EPHA6: variants seen among roughly 807,000 people sequenced by gnomAD.
The protein encoded by EPHA6 is ephrin type-A receptor 6.
In EPHA6, 50 loss-of-function variants were observed where a neutral mutation model predicts 112.0. That is an observed-to-expected ratio of 0.45 (90% CI 0.36 to 0.56). The LOEUF is 0.56. Ranked by LOEUF, EPHA6 falls within the 20% of genes least tolerant of loss-of-function variation. The pLI is 0.00. For synonymous variants in EPHA6, 529 were observed against 490.7 expected, an observed-to-expected ratio of 1.08 and a Z score of -1.03; for missense variants, 1,280 against 1,417.4, an observed-to-expected ratio of 0.90 and a Z score of 1.56.
At position 97,371,086 on chromosome 3, in the gene EPHA6, C is replaced by CTT. The variant is rs10707071; in HGVS notation, c.1607-34051_1607-34050dup. 8.1e-3 allele frequency among the ~76,000 whole-genome samples: 1,181 copies of CTT among 145,952 alleles called. 18 individuals carry two copies. The highest frequency in any genetic ancestry group is 0.027 in the African/African-American group (1,077 of 39,868). On this transcript the variant is annotated intron_variant, in intron 5 of 17. Transcript: ENST00000389672. ...TGTTTAATTAGTGCAAGAAGATCCACTTTTTTTTTTTTTTGAGGGATTCAT... is the reference window on the plus strand; with the variant it reads ...TGTTTAATTAGTGCAAGAAGATCCACTTTTTTTTTTTTTTTTGAGGGATTCAT...
intron 14 of EPHA6, among the ~76,000 whole-genome samples, chr3:97,657,690 G>A (rs931564795): frequency 6.6e-6 from 1 of 151,724 alleles, no homozygotes; most frequent in Non-Finnish European, 1.5e-5. Context: ...CTAAATTATA[G>A]ATCCTAGCCA....
intron 3 of EPHA6, among the ~76,000 whole-genome samples, chr3:97,168,760 T>C (rs894627399): frequency 6.6e-6 from 1 of 152,120 alleles, no homozygotes; most frequent in African/African-American, 2.4e-5. Context: ...TAAGACCCTT[T>C]TCGTTATACC....
intron 5 of EPHA6, among the ~76,000 whole-genome samples, chr3:97,393,957 T>G (rs2086562549): frequency 6.6e-6 from 1 of 151,824 alleles, no homozygotes; most frequent in Non-Finnish European, 1.5e-5. Flanking sequence ...ACCATATTTT[T>G]TATCTATTCA....
At chr3:97,609,675 C>T (rs2093703693) in intron 12 of EPHA6, among the ~76,000 whole-genome samples, 1 of 151,320 alleles carries the variant, frequency 6.6e-6, no homozygotes, top group Non-Finnish European at 1.5e-5. Flanking sequence ...TGTACTAATT[C>T]GTAATAGTCA....
chr3:97,106,906 T>C (rs2047587564), intron 3 of EPHA6, among the ~76,000 whole-genome samples: 1 of 152,044 alleles, frequency 6.6e-6, no homozygotes, highest in South Asian at 2.1e-4. Flanking sequence ...ACTTATCAAG[T>C]GTATAGAGAA....
intron 10 of EPHA6, among the ~76,000 whole-genome samples, chr3:97,514,763 T>A (rs781727001): frequency 6.6e-6 from 1 of 151,800 alleles, no homozygotes; most frequent in Non-Finnish European, 1.5e-5. Flanking sequence ...AAGAGAGAGA[T>A]CCCTCTCTCT....
At chr3:97,735,673 G>A (rs1002813681) in intron 15 of EPHA6, among the ~76,000 whole-genome samples, 2 of 151,936 alleles carry the variant, frequency 1.3e-5, no homozygotes, top group Admixed American at 1.3e-4. Context: ...AGGTTGTAGG[G>A]AACTTAACCT....
rs371776365 is a variant in EPHA6, at chr3:97,332,356, G to A, written c.1607-72794G>A. ...CCTTTGAAAACTGGCACAAGACAGGGATGCCCTCTCTCACCACTCCTATTC... is the reference window on the plus strand; with the variant it reads ...CCTTTGAAAACTGGCACAAGACAGGAATGCCCTCTCTCACCACTCCTATTC... On this transcript the variant is annotated intron_variant, in intron 5 of 17. Coordinates refer to ENST00000389672, the MANE Select transcript of EPHA6 (RefSeq NM_001080448.3). Among the ~76,000 whole-genome samples the A allele has an allele frequency of 3.4e-3, 513 of 152,062 alleles. 5 individuals are homozygous for A. Among genetic ancestry groups the A allele is most frequent in the African/African-American group, 0.011 (470 of 41,500 alleles).
At chr3:97,727,281 A>G (rs2034815633) in intron 15 of EPHA6, among the ~76,000 whole-genome samples, 1 of 152,012 alleles carries the variant, frequency 6.6e-6, no homozygotes, top group Admixed American at 6.6e-5. Flanking sequence ...CCTGAGGGGG[A>G]AAATATGGAG....
In EPHA6 at chr3:97,259,439, G is replaced by A. The variant is rs76568970; in HGVS notation, c.1606+15152G>A. The stretch of plus-strand genomic sequence containing the variant: ...GAAGTTTCTTCAAAGTGATGTAGGT[G>A]TATTCTTCATTTCATCACTTAATTC... On this transcript the variant is annotated intron_variant, in intron 5 of 17. Transcript: ENST00000389672. Among the ~76,000 whole-genome samples, 1,180 of 152,130 alleles carry A rather than the reference G, an allele frequency of 7.8e-3. 20 individuals are homozygous for A. The highest frequency in any genetic ancestry group is 0.017 in the Middle Eastern group (5 of 294).
At chr3:97,074,624 T>C (rs2046459854) in intron 3 of EPHA6, among the ~76,000 whole-genome samples, 1 of 152,004 alleles carries the variant, frequency 6.6e-6, no homozygotes, top group Non-Finnish European at 1.5e-5. Flanking sequence ...ACGTTTTAAT[T>C]TTATACATAA....
At chr3:96,851,055 CT>C (rs1391357712) in intron 1 of EPHA6, among the ~76,000 whole-genome samples, 1 of 152,094 alleles carries the variant, frequency 6.6e-6, no homozygotes, top group Non-Finnish European at 1.5e-5. Flanking sequence ...TTGTTTCCCC[CT>C]ACCAGCATGA....
At chr3:97,547,731 C>T (rs2092974053) in intron 11 of EPHA6, among the ~76,000 whole-genome samples, 1 of 152,214 alleles carries the variant, frequency 6.6e-6, no homozygotes. Context: ...TTCCCAGCTG[C>T]TTTGTTTACC....
rs1037185322 is a variant in EPHA6 at position 96,890,961 on chromosome 3, C to G, written c.450+24072C>G. Among the ~76,000 whole-genome samples the G allele has an allele frequency of 2.6e-5, 4 of 152,120 alleles. No individual in the cohort carries two copies. In the East Asian group the frequency reaches 7.7e-4, roughly 29 times the overall value. On this transcript the variant is annotated intron_variant, in intron 2 of 17. Transcript: ENST00000389672. ...AATCAGCGAGGCATGGTGGCACATG[C>G]CTGTAATCCCAGCTACTTGAGAGGT...
chr3:97,399,359 T>G (rs757150729), intron 5 of EPHA6, among the ~76,000 whole-genome samples: 2 of 151,654 alleles, frequency 1.3e-5, no homozygotes, highest in Admixed American at 6.6e-5. Flanking sequence ...GATACTTTGA[T>G]TGCTTCCATA....
intron 2 of EPHA6, among the ~76,000 whole-genome samples, chr3:96,891,567 G>A (rs2037965183): frequency 6.6e-6 from 1 of 152,178 alleles, no homozygotes; most frequent in Non-Finnish European, 1.5e-5. Context: ...AAATTATCTG[G>A]GTATGGTGAC....
At chr3:97,169,418 C>T (rs963563359) in intron 3 of EPHA6, among the ~76,000 whole-genome samples, 3 of 152,088 alleles carry the variant, frequency 2.0e-5, no homozygotes, top group African/African-American at 7.2e-5. Flanking sequence ...ACCTTCAATG[C>T]CTAATTATTT....
At chr3:97,338,753 C>T (rs925768340) in intron 5 of EPHA6, among the ~76,000 whole-genome samples, 3 of 152,110 alleles carry the variant, frequency 2.0e-5, no homozygotes, top group Non-Finnish European at 2.9e-5. Flanking sequence ...ATTACTCAGC[C>T]CCCGAAGTCT....
In EPHA6 at chr3:97,760,080, T is replaced by C. The variant is rs560901020; in HGVS notation, c.*11379T>C. ...TTAAAATTAGCTTAATCCTGAAAGATGTATATTGCATAATCAACCTGTCAC... is the reference window on the plus strand; with the variant it reads ...TTAAAATTAGCTTAATCCTGAAAGACGTATATTGCATAATCAACCTGTCAC... On this transcript the variant is annotated 3_prime_UTR_variant, in exon 18 of 18. Coordinates refer to ENST00000389672, the MANE Select transcript of EPHA6 (RefSeq NM_001080448.3). 114 of 183,494 alleles carry C rather than the reference T, an allele frequency of 6.2e-4. No homozygotes were observed. The highest frequency in any genetic ancestry group is 3.6e-4 in the Non-Finnish European group (31 of 86,382). 11.4% of individuals were successfully genotyped at this position (183,494 alleles called of 1,614,324 possible). A position where few individuals can be genotyped will look rare whatever the true frequency, so the allele number is the denominator to read the frequency against.
Sources: allele counts gnomAD v4.1 joint callset (sites outside exome capture counted in the v4.1 genomes callset), GRCh38; gene constraint gnomAD v4.1.1; transcripts MANE v1.5; gene names NCBI Gene and HGNC (gene_info 2026-07-23, HGNC 2026-07-21).